PRKG1: variants seen among roughly 807,000 people sequenced by gnomAD.
PRKG1 encodes the protein cGMP-dependent protein kinase 1.
Under a neutral mutation model 88.1 loss-of-function variants are expected in PRKG1, and 35 were observed. That is an observed-to-expected ratio of 0.40 (90% confidence interval 0.30 to 0.53). The LOEUF (loss-of-function observed/expected upper bound fraction) is 0.53. Among genes scored for constraint, PRKG1 ranks in the 20% least tolerant of loss-of-function variants. PRKG1 has a pLI of 0.59. For synonymous variants in PRKG1, 303 were observed against 292.5 expected, an observed-to-expected ratio of 1.04 and a Z score of -0.37; for missense variants, 540 against 839.8, an observed-to-expected ratio of 0.64 and a Z score of 4.41.
In PRKG1 at chr10:51,174,555, C is replaced by G. The variant is rs189350042; in HGVS notation, c.478+21225C>G. ...AAAGAAAAAAGTTTTGATTTTTAGT[C>G]TTTGCAAGTTTTTATGGTGTGAATA... On this transcript the variant is annotated intron_variant, in intron 2 of 17. Coordinates refer to ENST00000373980, the MANE Select transcript of PRKG1 (RefSeq NM_006258.4). Among the ~76,000 whole-genome samples the G allele has an allele frequency of 2.6e-5, 4 of 152,030 alleles. No individual in the cohort carries two copies. The East Asian group carries it at 7.7e-4, about 29-fold the overall frequency.
chr10:51,439,121 C>T (rs914399147), intron 2 of PRKG1, among the ~76,000 whole-genome samples: 11 of 151,714 alleles, frequency 7.3e-5, no homozygotes, highest in African/African-American at 2.2e-4. Flanking sequence ...GAGAATGTTT[C>T]GCCCCCCCTT....
intron 3 of PRKG1, among the ~76,000 whole-genome samples, chr10:51,716,732 G>A (rs190527596): frequency 6.6e-6 from 1 of 152,286 alleles, no homozygotes; most frequent in Admixed American, 6.5e-5. Flanking sequence ...TCTGTCTGTT[G>A]CACAGGCCAG....
chr10:52,278,341 T>C (rs980306605), intron 12 of PRKG1, among the ~76,000 whole-genome samples: 1 of 152,124 alleles, frequency 6.6e-6, no homozygotes, highest in African/African-American at 2.4e-5. Context: ...TGTGGAGAAA[T>C]AGGAATGCTT....
At chr10:52,192,400 A>C (rs1198057563) in intron 9 of PRKG1, among the ~76,000 whole-genome samples, 1 of 152,144 alleles carries the variant, frequency 6.6e-6, no homozygotes, top group Non-Finnish European at 1.5e-5. Context: ...AGGAGGAAGA[A>C]GTTCAGATAA....
rs570735626 is a variant in PRKG1, at chr10:51,974,060, A to G, written c.762+66490A>G. 2.0e-5 allele frequency among the ~76,000 whole-genome samples: 3 copies of G among 152,328 alleles called. No individual in the cohort carries two copies. The South Asian group carries it at 6.2e-4, about 32-fold the overall frequency. ...ATCATTTTCTTCATCTTACAATGAC[A>G]TAAATGAGCAATTATGACTGAGACC... On this transcript the variant is annotated intron_variant, in intron 5 of 17. Transcript: ENST00000373980.
intron 3 of PRKG1, among the ~76,000 whole-genome samples, chr10:51,588,726 A>G (rs1440546617): frequency 6.6e-6 from 1 of 152,214 alleles, no homozygotes; most frequent in Non-Finnish European, 1.5e-5. Flanking sequence ...TTGAGATTCC[A>G]GTGATCCCGT....
intron 1 of PRKG1, among the ~76,000 whole-genome samples, chr10:51,001,174 C>A (rs1001184393): frequency 6.6e-6 from 1 of 152,200 alleles, no homozygotes; most frequent in Non-Finnish European, 1.5e-5. Flanking sequence ...AAGAGGCCAG[C>A]CTAGAAATAA....
At chr10:51,441,646 G>C (rs1839110185) in intron 2 of PRKG1, among the ~76,000 whole-genome samples, 1 of 151,884 alleles carries the variant, frequency 6.6e-6, no homozygotes, top group Non-Finnish European at 1.5e-5. Context: ...TTTAGTTCTG[G>C]TTCTGTTCTA....
chr10:51,583,027 C>G (rs904453088), intron 3 of PRKG1, among the ~76,000 whole-genome samples: 1 of 152,062 alleles, frequency 6.6e-6, no homozygotes, highest in African/African-American at 2.4e-5. Context: ...TTGGAAGATA[C>G]AGTTGATTTT....
At chr10:52,274,290 C>G (rs529845074) in intron 12 of PRKG1, among the ~76,000 whole-genome samples, 69 of 148,632 alleles carry the variant, frequency 4.6e-4, no homozygotes, top group African/African-American at 6.9e-4. Flanking sequence ...ACTCTTCCCC[C>G]CAAATCCCCA....
intron 1 of PRKG1, among the ~76,000 whole-genome samples, chr10:51,017,452 C>G (rs1485710756): frequency 6.6e-6 from 1 of 151,968 alleles, no homozygotes; most frequent in Non-Finnish European, 1.5e-5. Flanking sequence ...ATAATTAAAA[C>G]CTTGTTTGAA....
At chr10:52,026,225 G>A (rs1845333517) in intron 5 of PRKG1, among the ~76,000 whole-genome samples, 1 of 152,120 alleles carries the variant, frequency 6.6e-6, no homozygotes, top group African/African-American at 2.4e-5. Context: ...GAATGGGTTA[G>A]GGATAATGTT....
At chr10:51,597,125 T>C (rs1451595207) in intron 3 of PRKG1, among the ~76,000 whole-genome samples, 1 of 152,226 alleles carries the variant, frequency 6.6e-6, no homozygotes, top group Non-Finnish European at 1.5e-5. Flanking sequence ...TTCTAGTTGG[T>C]ATATGTTTTC....
chr10:51,483,728 T>C (rs190936194), intron 3 of PRKG1, among the ~76,000 whole-genome samples: 1 of 152,324 alleles, frequency 6.6e-6, no homozygotes, highest in African/African-American at 2.4e-5. Context: ...CATTCCTTCA[T>C]CTAAACTATG....
chr10:51,603,315 G>T (rs1228084165), intron 3 of PRKG1, among the ~76,000 whole-genome samples: 2 of 152,052 alleles, frequency 1.3e-5, no homozygotes, highest in Non-Finnish European at 2.9e-5. Context: ...TTTGGAGATG[G>T]CCGGGACTTT....
At chr10:51,044,447 C>A (rs1843462387) in intron 1 of PRKG1, among the ~76,000 whole-genome samples, 2 of 152,324 alleles carry the variant, frequency 1.3e-5, no homozygotes, top group African/African-American at 2.4e-5. Context: ...TGAAGCAACT[C>A]ATGCACTTGG....
intron 4 of PRKG1, among the ~76,000 whole-genome samples, chr10:51,891,502 G>A (rs993410332): frequency 6.6e-6 from 1 of 151,996 alleles, no homozygotes; most frequent in Non-Finnish European, 1.5e-5. Flanking sequence ...TTTACTTCAA[G>A]GTCATATATT....
At chr10:51,032,069 G>A (rs961360501) in intron 1 of PRKG1, among the ~76,000 whole-genome samples, 1 of 152,266 alleles carries the variant, frequency 6.6e-6, no homozygotes, top group Non-Finnish European at 1.5e-5. Flanking sequence ...GGAACTGCAG[G>A]TTTTCTTGGG....
intron 2 of PRKG1, among the ~76,000 whole-genome samples, chr10:51,451,200 A>G (rs1465189074): frequency 1.3e-5 from 2 of 151,916 alleles, no homozygotes; most frequent in East Asian, 3.9e-4. Context: ...CAGTATGTCT[A>G]ATAACTACCA....
Sources: gnomAD v4.1 joint callset for allele counts (sites outside exome capture counted in the v4.1 genomes callset) on GRCh38, gnomAD v4.1.1 for gene constraint, MANE v1.5 for transcripts, NCBI Gene and HGNC (gene_info 2026-07-23, HGNC 2026-07-21) for gene names.